RPS6KC1: variants seen among roughly 807,000 people sequenced by gnomAD.
The protein encoded by RPS6KC1 is ribosomal protein S6 kinase C1.
A neutral mutation model predicts 103.8 loss-of-function variants in RPS6KC1; 54 were observed. The observed-to-expected ratio is 0.52, with a 90% CI of 0.42 to 0.65. The LOEUF is 0.65. RPS6KC1 is among the 30% of genes least tolerant of loss of function. The pLI, the probability that RPS6KC1 is intolerant of heterozygous loss-of-function variation, is 0.00. For synonymous variants in RPS6KC1, 439 were observed against 438.7 expected (o/e 1.00, Z -0.01); for missense variants, 1,151 against 1,253.8 (o/e 0.92, Z 1.24).
chr1:213,322,814 C>T, the RPS6KC1 span, among the ~76,000 whole-genome samples: 1 of 150,764 alleles, frequency 6.6e-6, no homozygotes, highest in African/African-American at 2.4e-5. Context: ...TGCAGTGGCA[C>T]TCAGCTCACT....
chr1:213,726,410 CACTA>C, the RPS6KC1 span, among the ~76,000 whole-genome samples: 4 of 152,168 alleles, frequency 2.6e-5, no homozygotes, highest in Non-Finnish European at 5.9e-5. Flanking sequence ...AGGCAGATGG[CACTA>C]ACTGTCATAA....
the RPS6KC1 span, among the ~76,000 whole-genome samples, chr1:213,532,248 C>T: frequency 6.6e-6 from 1 of 152,134 alleles, no homozygotes; most frequent in Admixed American, 6.5e-5. Context: ...GCAGCCCCAT[C>T]CTGAAGGTGC....
intron 8 of RPS6KC1, among the ~76,000 whole-genome samples, chr1:213,217,018 G>T (rs1167735737): frequency 6.6e-6 from 1 of 151,322 alleles, no homozygotes. Flanking sequence ...AAATAACTAA[G>T]ATCAGAGCAG....
At chr1:213,434,526 C>T in the RPS6KC1 span, among the ~76,000 whole-genome samples, 2 of 152,026 alleles carry the variant, frequency 1.3e-5, no homozygotes, top group African/African-American at 4.8e-5. Context: ...CATGATCTCA[C>T]CTCACTACAA....
chr1:213,574,601 A>G, the RPS6KC1 span, among the ~76,000 whole-genome samples: 3 of 152,200 alleles, frequency 2.0e-5, no homozygotes, highest in African/African-American at 7.2e-5. Context: ...AACATTTATG[A>G]GATAAACCAG....
intron 6 of RPS6KC1, among the ~76,000 whole-genome samples, chr1:213,152,362 C>G (rs1235591517): frequency 6.2e-5 from 9 of 145,956 alleles, no homozygotes; most frequent in Middle Eastern, 7.4e-3. Flanking sequence ...GACGGGGCGG[C>G]TGATGGGGCG....
At chr1:213,437,843 G>C in the RPS6KC1 span, among the ~76,000 whole-genome samples, 2 of 151,558 alleles carry the variant, frequency 1.3e-5, no homozygotes, top group Non-Finnish European at 2.9e-5. Flanking sequence ...CTCCTAATAT[G>C]TGAATTTAAA....
the RPS6KC1 span, among the ~76,000 whole-genome samples, chr1:213,335,526 G>A: frequency 6.6e-6 from 1 of 152,202 alleles, no homozygotes. Context: ...AGAAAGGACA[G>A]AAGGGCAGAA....
chr1:213,220,275 G>A (rs747609173), intron 8 of RPS6KC1, among the ~76,000 whole-genome samples: 1 of 151,968 alleles, frequency 6.6e-6, no homozygotes, highest in Non-Finnish European at 1.5e-5. Context: ...AAGCATTGTA[G>A]AATCTAAAAA....
intron 8 of RPS6KC1, among the ~76,000 whole-genome samples, chr1:213,195,156 T>C (rs1391724050): frequency 6.6e-6 from 1 of 152,224 alleles, no homozygotes; most frequent in African/African-American, 2.4e-5. Flanking sequence ...ACACATTTAT[T>C]TAACAGGAGA....
the RPS6KC1 span, among the ~76,000 whole-genome samples, chr1:213,400,302 G>A: frequency 1.3e-5 from 2 of 152,134 alleles, no homozygotes; most frequent in African/African-American, 4.8e-5. Context: ...TCGACCATAA[G>A]AGAACAGGTG....
At chr1:213,575,331 G>A in the RPS6KC1 span, among the ~76,000 whole-genome samples, 1 of 152,162 alleles carries the variant, frequency 6.6e-6, no homozygotes, top group South Asian at 2.1e-4. Flanking sequence ...CATCCACCAG[G>A]ATGATGCTGG....
chr1:213,469,168 G>A, the RPS6KC1 span, among the ~76,000 whole-genome samples: 1 of 152,026 alleles, frequency 6.6e-6, no homozygotes, highest in Non-Finnish European at 1.5e-5. Flanking sequence ...CTCCAACTCC[G>A]AACACAGCCT....
chr1:213,076,939 G>A (rs938563808), intron 2 of RPS6KC1, among the ~76,000 whole-genome samples: 6 of 151,270 alleles, frequency 4.0e-5, no homozygotes, highest in Admixed American at 6.6e-5. Flanking sequence ...GCACTGTGTC[G>A]GCTCACTGCA....
At chr1:213,598,537 T>C in the RPS6KC1 span, among the ~76,000 whole-genome samples, 1 of 151,988 alleles carries the variant, frequency 6.6e-6, no homozygotes, top group Non-Finnish European at 1.5e-5. Flanking sequence ...AATCTGCTTT[T>C]TAGGTAAATA....
intron 3 of RPS6KC1, among the ~76,000 whole-genome samples, chr1:213,088,422 G>C (rs1256974451): frequency 1.3e-5 from 2 of 151,820 alleles, no homozygotes; most frequent in African/African-American, 4.8e-5. Context: ...GGAGTGCAGT[G>C]GTGTGATCAT....
At chr1:213,499,194 G>A in the RPS6KC1 span, among the ~76,000 whole-genome samples, 5 of 152,166 alleles carry the variant, frequency 3.3e-5, no homozygotes, top group African/African-American at 9.7e-5. Flanking sequence ...TTGTTCTCTA[G>A]TTGTAGAAAA....
the RPS6KC1 span, among the ~76,000 whole-genome samples, chr1:213,728,144 G>A: frequency 6.6e-6 from 1 of 152,108 alleles, no homozygotes; most frequent in Non-Finnish European, 1.5e-5. Flanking sequence ...GTGATAAGCG[G>A]TGCACAGTGA....
chr1:213,423,540 G>C, the RPS6KC1 span, among the ~76,000 whole-genome samples: 1 of 152,198 alleles, frequency 6.6e-6, no homozygotes, highest in African/African-American at 2.4e-5. Flanking sequence ...GGGTGAGGAT[G>C]TCGACTGCAA....
Sources: allele counts gnomAD v4.1 joint callset (sites outside exome capture counted in the v4.1 genomes callset), GRCh38; gene constraint gnomAD v4.1.1; transcripts MANE v1.5; gene names NCBI Gene and HGNC (gene_info 2026-07-23, HGNC 2026-07-21).